RAF1: variants seen among roughly 807,000 people sequenced by gnomAD.
RAF1 encodes the protein Raf-1 proto-oncogene, serine/threonine kinase.
Under a neutral mutation model 81.1 loss-of-function variants are expected in RAF1, and 27 were observed. The observed-to-expected ratio is 0.33, with a 90% CI of 0.25 to 0.46. The LOEUF (loss-of-function observed/expected upper bound fraction) is 0.46, where lower values mean the gene tolerates loss of function less well. Among genes scored for constraint, RAF1 ranks in the 20% least tolerant of loss-of-function variants. RAF1 has a pLI of 1.00. For missense variants in RAF1, 598 were observed against 826.0 expected (o/e 0.72, Z 3.38); for synonymous variants, 298 against 294.0 (o/e 1.01, Z -0.14).
At chr3:12,617,244 C>T (rs898023235) in intron 2 of RAF1, among the ~76,000 whole-genome samples, 1 of 152,200 alleles carries the variant, frequency 6.6e-6, no homozygotes, top group Admixed American at 6.5e-5. Flanking sequence ...TCCCAAGTAG[C>T]TGGGATTACA....
Position 12,592,678 on chromosome 3 carries a change from TAG to T in RAF1, c.1169-888_1169-887del, listed in dbSNP as rs369925053. ...TAAAACCAGCCTCTTGATATAACTT[TAG>T]ACACATCCAGGGATCCATTCCACTT... On this transcript the variant is annotated intron_variant, in intron 11 of 17. Coordinates refer to ENST00000442415, the MANE Select transcript of RAF1 (RefSeq NM_001354689.3). Among the ~76,000 whole-genome samples the T allele has an allele frequency of 1.1e-3, 168 of 151,898 alleles. No individual in the cohort carries two copies. The East Asian group carries it at 0.027, about 24-fold the overall frequency.
intron 4 of RAF1, 104 bp from the exon 5 acceptor site, chr3:12,609,027 C>T (rs2125417745): frequency 6.2e-6 from 8 of 1,285,048 alleles, no homozygotes; most frequent in Non-Finnish European, 8.9e-6. Context: ...ATGAATCATA[C>T]TTCCAGCATG....
At chr3:12,601,880 G>T (rs531948455) in intron 8 of RAF1, among the ~76,000 whole-genome samples, 3 of 152,300 alleles carry the variant, frequency 2.0e-5, no homozygotes, top group Admixed American at 2.0e-4. Flanking sequence ...TTTTGGAGGG[G>T]AATGTGAGAA....
intron 1 of RAF1, among the ~76,000 whole-genome samples, chr3:12,652,536 C>A (rs2060565880): frequency 6.6e-6 from 1 of 151,204 alleles, no homozygotes; most frequent in Non-Finnish European, 1.5e-5. Flanking sequence ...AAAAAAAAAT[C>A]AAAACTTATG....
At position 12,609,325 on chromosome 3, in the gene RAF1, G is replaced by A. The variant is rs773801570; in HGVS notation, c.331C>T (p.Arg111Cys). ...GCAGCATCAGTATTCCAATCTAAGC[G>A]TGCTTTTTTACTAGAAAGGATTTAA... The change falls in exon 4 of 18, where the codon CGC becomes TGC. Residue 111 changes from arginine to cysteine, a missense_variant. Arg to Cys is a radical substitution (Grantham distance 180). Around this residue, in one of 5 missense-constraint regions of RAF1, gnomAD observed 89 missense variants for 169.2 expected, o/e 0.53. Coordinates refer to ENST00000442415, the MANE Select transcript of RAF1 (RefSeq NM_001354689.3). The A allele has an allele frequency of 4.3e-6, 7 of 1,611,038 alleles. No homozygotes were observed. The highest frequency in any genetic ancestry group is 1.7e-5 in the Admixed American group (1 of 59,966).
chr3:12,612,636 C>T (rs1328029993), intron 2 of RAF1, among the ~76,000 whole-genome samples: 1 of 130,992 alleles, frequency 7.6e-6, no homozygotes, highest in Non-Finnish European at 1.5e-5. Context: ...GTGACAAGAA[C>T]GAGACTCCGT....
At chr3:12,650,073 G>C (rs1000978790) in intron 1 of RAF1, among the ~76,000 whole-genome samples, 3 of 148,622 alleles carry the variant, frequency 2.0e-5, no homozygotes, top group Non-Finnish European at 4.4e-5. Flanking sequence ...ATGAACCCAG[G>C]AGGCGGAGGT....
rs886800505 is a variant in RAF1 at position 12,587,505 on chromosome 3, G to A, written c.1477+86C>T. 7.6e-5 allele frequency: 96 copies of A among 1,261,888 alleles called. 1 individual carries two copies. In the East Asian group the frequency reaches 9.0e-4, roughly 12 times the overall value. The allele number at this position is 1,261,888 out of a possible 1,614,324, so 78.2% of individuals were successfully genotyped here. ...CCTTAAAAAGATATCCCCTGGCACC[G>A]AGAGCCACTTGTGATAGAAAGCCTC... On this transcript the variant is annotated intron_variant, in intron 14 of 17. Coordinates refer to ENST00000442415, the MANE Select transcript of RAF1 (RefSeq NM_001354689.3).
chr3:12,639,024 C>CT (rs75081082), intron 1 of RAF1, among the ~76,000 whole-genome samples: 151,778 of 151,778 alleles, frequency 1, 75,889 homozygotes, highest in Non-Finnish European at 1. Context: ...GGTGGATAAG[C>CT]TTTTGATGTG....
At position 12,584,394 on chromosome 3, in the gene RAF1, G is replaced by T. The variant is rs1575528605; in HGVS notation, c.*120C>A. ...TTAAGGCCCTGTGAGCAGTCTAGAAGGTCCTTAGCAGCAGCTTCTCTGAAA... is the reference window on the plus strand; with the variant it reads ...TTAAGGCCCTGTGAGCAGTCTAGAATGTCCTTAGCAGCAGCTTCTCTGAAA... On this transcript the variant is annotated 3_prime_UTR_variant, in exon 18 of 18. Transcript: ENST00000442415. 1.2e-5 allele frequency: 16 copies of T among 1,298,004 alleles called. 1 individual carries two copies. In the East Asian group the frequency reaches 3.6e-4, roughly 29 times the overall value. 80.4% of individuals were successfully genotyped at this position (1,298,004 alleles called of 1,614,324 possible).
At chr3:12,589,482 C>A (rs1156634480) in intron 13 of RAF1, 1 of 152,168 alleles carries the variant, frequency 6.6e-6, no homozygotes, top group Non-Finnish European at 1.5e-5. Context: ...ACGAGGAGCT[C>A]CTCTACTTCA....
intron 1 of RAF1, among the ~76,000 whole-genome samples, chr3:12,628,261 G>A (rs2125487794): frequency 6.6e-6 from 1 of 152,318 alleles, no homozygotes; most frequent in Non-Finnish European, 1.5e-5. Flanking sequence ...AGGAGTTTGA[G>A]ACCAGCCTGG....
intron 1 of RAF1, among the ~76,000 whole-genome samples, chr3:12,656,412 T>C (rs1413210859): frequency 6.6e-6 from 1 of 152,048 alleles, no homozygotes; most frequent in Non-Finnish European, 1.5e-5. Flanking sequence ...TAATGCCCAA[T>C]AGAGGGAGAA....
chr3:12,643,558 T>C (rs1575654281), intron 1 of RAF1, among the ~76,000 whole-genome samples: 1 of 151,778 alleles, frequency 6.6e-6, no homozygotes, highest in Non-Finnish European at 1.5e-5. Flanking sequence ...CTGGCCAACA[T>C]AGTGAAACCC....
intron 14 of RAF1, chr3:12,587,214 A>G (rs1217267630): frequency 8.2e-6 from 2 of 242,824 alleles, no homozygotes; most frequent in Non-Finnish European, 1.6e-5. Flanking sequence ...ACAAGCAGAT[A>G]GACATACACA....
intron 1 of RAF1, among the ~76,000 whole-genome samples, chr3:12,630,643 G>T (rs1256025244): frequency 6.6e-6 from 1 of 152,174 alleles, no homozygotes; most frequent in Non-Finnish European, 1.5e-5. Context: ...ACAAGGAATG[G>T]TAAAAAGATC....
intron 1 of RAF1, among the ~76,000 whole-genome samples, chr3:12,657,303 A>T (rs2060726630): frequency 6.6e-6 from 1 of 152,206 alleles, no homozygotes; most frequent in Admixed American, 6.5e-5. Context: ...TTGTGTCGTC[A>T]CAAAATAGGA....
At chr3:12,614,771 T>G (rs2059322270) in intron 2 of RAF1, among the ~76,000 whole-genome samples, 2 of 152,174 alleles carry the variant, frequency 1.3e-5, no homozygotes, top group South Asian at 4.1e-4. Context: ...TTTAAAAGTT[T>G]CTTGACGCAG....
intron 1 of RAF1, among the ~76,000 whole-genome samples, chr3:12,655,841 A>G (rs2060673158): frequency 6.6e-6 from 1 of 151,882 alleles, no homozygotes; most frequent in Non-Finnish European, 1.5e-5. Flanking sequence ...ATAGTGTATG[A>G]CTCCCCTTAC....
Sources: gnomAD v4.1 joint callset for allele counts (sites outside exome capture counted in the v4.1 genomes callset) on GRCh38, gnomAD v4.1.1 for gene constraint, gnomAD v4.1.1 regional missense constraint, MANE v1.5 for transcripts, NCBI Gene and HGNC (gene_info 2026-07-23, HGNC 2026-07-21) for gene names.